MAPK8: variants seen among roughly 807,000 people sequenced by gnomAD.
MAPK8 encodes the protein JUN N-terminal kinase.
In MAPK8, 13 loss-of-function variants were observed where a neutral mutation model predicts 52.9. The observed-to-expected ratio is 0.25, with a 90% CI of 0.16 to 0.39. MAPK8 has a LOEUF of 0.39. MAPK8 is among the 10% of genes least tolerant of loss of function. The pLI is 1.00. For missense variants in MAPK8, 300 were observed against 519.2 expected, an observed-to-expected ratio of 0.58 and a Z score of 4.10; for synonymous variants, 191 against 169.8, an observed-to-expected ratio of 1.12 and a Z score of -0.97.
At chr10:48,338,292 G>T (rs566509079) in intron 1 of MAPK8, among the ~76,000 whole-genome samples, 1 of 152,064 alleles carries the variant, frequency 6.6e-6, no homozygotes, top group Non-Finnish European at 1.5e-5. Context: ...TACAAGGATG[G>T]TTCAGAATAT....
chr10:48,354,335 C>G (rs1462694871), intron 1 of MAPK8, among the ~76,000 whole-genome samples: 1 of 152,140 alleles, frequency 6.6e-6, no homozygotes, highest in Non-Finnish European at 1.5e-5. Context: ...CATCAGAGAG[C>G]ATTGAGGAAC....
chr10:48,419,713 T>C (rs1490542060), intron 5 of MAPK8, among the ~76,000 whole-genome samples: 1 of 152,216 alleles, frequency 6.6e-6, no homozygotes, highest in Non-Finnish European at 1.5e-5. Context: ...ATTGACAAGA[T>C]GGCTCGTTGT....
intron 7 of MAPK8, chr10:48,425,524 A>G (rs1466283298): frequency 3.0e-6 from 1 of 332,120 alleles, no homozygotes; most frequent in African/African-American, 2.1e-5. Flanking sequence ...ATTGACAGAA[A>G]AGGAAAAATT....
In MAPK8 at chr10:48,425,967, A is replaced by G; in HGVS notation, c.768A>G (p.Val256=). Residue 256 remains valine (V), a synonymous_variant, in exon 8 of 12, where the codon GTA becomes GTG. Coordinates refer to ENST00000374189, the MANE Select transcript of MAPK8 (RefSeq NM_001323329.2). ...PEFMKKLQPT[V]RTYVENRPKY... The stretch of plus-strand genomic sequence containing the variant: ...TCATGAAGAAACTGCAACCAACAGT[A>G]AGGACTTACGTTGAAAACAGACCTA... 2 of 1,613,242 alleles carry G rather than the reference A, an allele frequency of 1.2e-6. No homozygotes were observed. The highest frequency in any genetic ancestry group is 1.1e-5 in the South Asian group (1 of 90,988).
chr10:48,374,852 A>G (rs1393577006), intron 1 of MAPK8, among the ~76,000 whole-genome samples: 1 of 152,208 alleles, frequency 6.6e-6, no homozygotes, highest in African/African-American at 2.4e-5. Flanking sequence ...TACTCCAAAC[A>G]ATAGAAAAAG....
intron 1 of MAPK8, among the ~76,000 whole-genome samples, chr10:48,392,501 G>A (rs968273480): frequency 6.6e-6 from 1 of 151,858 alleles, no homozygotes; most frequent in Non-Finnish European, 1.5e-5. Flanking sequence ...CTTGGAAATT[G>A]CACTTTTTCT....
intron 1 of MAPK8, among the ~76,000 whole-genome samples, chr10:48,384,727 G>T (rs981840431): frequency 6.6e-6 from 1 of 152,208 alleles, no homozygotes; most frequent in Non-Finnish European, 1.5e-5. Flanking sequence ...TAGGACTTTT[G>T]TCCAATAATT....
intron 1 of MAPK8, among the ~76,000 whole-genome samples, chr10:48,348,462 C>A (rs1163081990): frequency 1.3e-5 from 2 of 152,122 alleles, no homozygotes; most frequent in Non-Finnish European, 2.9e-5. Context: ...AATCTTTGCC[C>A]ATGCCTATGT....
intron 1 of MAPK8, among the ~76,000 whole-genome samples, chr10:48,369,031 G>A (rs530888404): frequency 6.6e-6 from 1 of 152,244 alleles, no homozygotes; most frequent in South Asian, 2.1e-4. Context: ...TGCTAAGAGG[G>A]CAGGGTCATG....
At position 48,437,253 on chromosome 10, in the gene MAPK8, G is replaced by T. The variant is rs925840234; in HGVS notation, c.*2224G>T. On this transcript the variant is annotated 3_prime_UTR_variant, in exon 12 of 12. Transcript: ENST00000374189. ...CTTTGTTAAATGTTGCATGCCCTAG[G>T]TTTTAAATTACTACATCCAAATACA... 3 of 152,116 alleles carry T rather than the reference G, an allele frequency of 2.0e-5. No individual in the cohort carries two copies. Among genetic ancestry groups the T allele is most frequent in the African/African-American group, 7.2e-5 (3 of 41,418 alleles). 9.4% of individuals were successfully genotyped at this position (152,116 alleles called of 1,614,324 possible).
chr10:48,369,096 G>A (rs1330058638), intron 1 of MAPK8, among the ~76,000 whole-genome samples: 5 of 152,110 alleles, frequency 3.3e-5, no homozygotes, highest in Non-Finnish European at 7.3e-5. Flanking sequence ...GGGGTATGGT[G>A]AGTTGTGGGC....
intron 1 of MAPK8, among the ~76,000 whole-genome samples, chr10:48,384,646 A>G (rs769371171): frequency 6.6e-6 from 1 of 152,250 alleles, no homozygotes; most frequent in East Asian, 1.9e-4. Context: ...CTAAAAAAGA[A>G]GGGTTTGAAA....
chr10:48,426,332 T>G, intron 8 of MAPK8, 48 bp from the exon 9 acceptor site: 1 of 1,503,670 alleles, frequency 6.7e-7, no homozygotes. Context: ...TATTAATAAT[T>G]TGAGAATCTT....
intron 3 of MAPK8, 89 bp from the exon 4 acceptor site, chr10:48,409,790 A>G (rs570168237): frequency 2.5e-6 from 2 of 814,632 alleles, no homozygotes; most frequent in Non-Finnish European, 4.0e-6. Flanking sequence ...AACTGATGGT[A>G]GTTTTTTTTA....
In MAPK8 at chr10:48,368,945, C is replaced by T. The variant is rs1034562528; in HGVS notation, c.-49-32667C>T. On this transcript the variant is annotated intron_variant, in intron 1 of 11. Transcript: ENST00000374189. ...CTCTAACTTAACAGCCTCTGAATTT[C>T]TCTCCCACTTTCAAGTCCTCTGGAG... Among the ~76,000 whole-genome samples the T allele has an allele frequency of 4.6e-5, 7 of 152,126 alleles. No homozygotes were observed. The South Asian group carries it at 1.2e-3, about 27-fold the overall frequency.
chr10:48,426,215 GTT>G, intron 8 of MAPK8, 145 bp downstream of exon 8: 1 of 829,806 alleles, frequency 1.2e-6, no homozygotes, highest in Non-Finnish European at 1.7e-6. Flanking sequence ...TGAGGTTTTT[GTT>G]TTTTTTTTCT....
At chr10:48,392,302 C>CAG (rs1303072439) in intron 1 of MAPK8, among the ~76,000 whole-genome samples, 2 of 152,022 alleles carry the variant, frequency 1.3e-5, no homozygotes, top group Admixed American at 6.6e-5. Context: ...ATGGGAAAAT[C>CAG]AGAGAGAGAG....
At chr10:48,407,337 A>G (rs919966041) in intron 3 of MAPK8, among the ~76,000 whole-genome samples, 3 of 152,174 alleles carry the variant, frequency 2.0e-5, no homozygotes, top group Non-Finnish European at 4.4e-5. Context: ...GTAAAATGCC[A>G]TTTTGAAATC....
intron 1 of MAPK8, among the ~76,000 whole-genome samples, chr10:48,362,737 G>GTTTT (rs10715224): frequency 4.6e-5 from 4 of 87,738 alleles, no homozygotes; most frequent in Admixed American, 1.4e-4. Flanking sequence ...AATTTTATTA[G>GTTTT]TTTTTTTTTT....
Sources: allele counts gnomAD v4.1 joint callset (sites outside exome capture counted in the v4.1 genomes callset), GRCh38; gene constraint gnomAD v4.1.1; transcripts MANE v1.5; gene names NCBI Gene and HGNC (gene_info 2026-07-23, HGNC 2026-07-21).